The following CTNNA2 variants were observed in gnomAD, a reference collection of about 807,000 sequenced individuals.
The protein encoded by CTNNA2 is catenin alpha-2.
In CTNNA2, 42 loss-of-function variants were observed where a neutral mutation model predicts 101.0. The ratio of observed to expected loss-of-function variants is 0.42; its 90% confidence interval spans 0.32 to 0.54. The LOEUF (loss-of-function observed/expected upper bound fraction) is 0.54, where lower values mean the gene tolerates loss of function less well. Among genes scored for constraint, CTNNA2 ranks in the 20% least tolerant of loss-of-function variants. The pLI is 0.14. For synonymous variants in CTNNA2, 450 were observed against 456.4 expected (o/e 0.99, Z 0.18); for missense variants, 871 against 1,223.1 (o/e 0.71, Z 4.29).
chr2:80,258,670 A>G (rs1672361975), intron 7 of CTNNA2, among the ~76,000 whole-genome samples: 1 of 152,180 alleles, frequency 6.6e-6, no homozygotes, highest in Non-Finnish European at 1.5e-5. Flanking sequence ...GAACTGCTTC[A>G]GTGGAAGTAT....
chr2:79,185,623 G>T (rs1170302129), intron 1 of CTNNA2: 1 of 152,070 alleles, frequency 6.6e-6, no homozygotes, highest in East Asian at 1.9e-4. Context: ...ATCATATCTA[G>T]TCCATGAAAT....
chr2:80,281,748 T>C (rs1336316618), intron 7 of CTNNA2, among the ~76,000 whole-genome samples: 1 of 152,092 alleles, frequency 6.6e-6, no homozygotes, highest in Non-Finnish European at 1.5e-5. Flanking sequence ...AAAATTACTA[T>C]TAATGAAATT....
At chr2:79,367,269 C>T (rs1345202556) in intron 3 of CTNNA2, among the ~76,000 whole-genome samples, 1 of 152,170 alleles carries the variant, frequency 6.6e-6, no homozygotes. Context: ...GACTTTTAGC[C>T]TCCAGAGCTG....
intron 1 of CTNNA2, among the ~76,000 whole-genome samples, chr2:79,571,877 C>T (rs1473574404): frequency 2.0e-5 from 3 of 152,072 alleles, no homozygotes; most frequent in African/African-American, 7.2e-5. Flanking sequence ...ACTATGACCA[C>T]CTTCTTATTT....
chr2:80,606,042 AC>A (rs1403995097), intron 16 of CTNNA2, among the ~76,000 whole-genome samples: 3 of 151,822 alleles, frequency 2.0e-5, no homozygotes, highest in African/African-American at 7.3e-5. Context: ...AAGTATGCAT[AC>A]AAAAAAATTA....
At chr2:79,598,542 C>A (rs543339019) in intron 1 of CTNNA2, among the ~76,000 whole-genome samples, 1 of 152,310 alleles carries the variant, frequency 6.6e-6, no homozygotes, top group Admixed American at 6.5e-5. Flanking sequence ...CTTTAATTTG[C>A]AATTCCCTGA....
chr2:80,405,204 T>G (rs900482998), intron 8 of CTNNA2, among the ~76,000 whole-genome samples: 1 of 152,204 alleles, frequency 6.6e-6, no homozygotes, highest in African/African-American at 2.4e-5. Context: ...AGTTTTTTAG[T>G]GTCCATTCTT....
At chr2:80,547,416 A>AT (rs1692172027) in intron 11 of CTNNA2, among the ~76,000 whole-genome samples, 2 of 152,146 alleles carry the variant, frequency 1.3e-5, no homozygotes, top group African/African-American at 4.8e-5. Flanking sequence ...CAGAGATGGT[A>AT]TTAAAATCCA....
At chr2:80,299,178 A>G (rs896899037) in intron 7 of CTNNA2, 1 of 152,114 alleles carries the variant, frequency 6.6e-6, no homozygotes, top group Non-Finnish European at 1.5e-5. Flanking sequence ...CCTCTGTGGG[A>G]AGAATAAAAA....
intron 1 of CTNNA2, among the ~76,000 whole-genome samples, chr2:79,559,768 T>C (rs1410564210): frequency 2.6e-5 from 4 of 151,750 alleles, no homozygotes; most frequent in African/African-American, 9.7e-5. Context: ...AGATAAAGAC[T>C]TCAAAGTTAA....
At chr2:80,559,516 G>A (rs1224304999) in intron 12 of CTNNA2, among the ~76,000 whole-genome samples, 3 of 152,188 alleles carry the variant, frequency 2.0e-5, no homozygotes, top group Non-Finnish European at 4.4e-5. Flanking sequence ...AGTAAAGACA[G>A]TGCTTTGCTT....
At chr2:79,464,360 C>T (rs1042164376) in intron 4 of CTNNA2, among the ~76,000 whole-genome samples, 2 of 152,190 alleles carry the variant, frequency 1.3e-5, no homozygotes, top group Admixed American at 6.5e-5. Context: ...ATATATGCCA[C>T]ATTTTCTTAA....
At chr2:79,953,570 A>G (rs796888936) in intron 7 of CTNNA2, among the ~76,000 whole-genome samples, 12 of 152,310 alleles carry the variant, frequency 7.9e-5, no homozygotes, top group African/African-American at 2.9e-4. Flanking sequence ...GCACTTTTCT[A>G]AGTCCACTGG....
rs1265474362 is a variant in CTNNA2, at chr2:80,545,986, A to G, written c.1463A>G (p.Gln488Arg). The G allele has an allele frequency of 6.2e-7, 1 of 1,614,136 alleles. No homozygotes were observed. The highest frequency in any genetic ancestry group is 8.5e-7 in the Non-Finnish European group (1 of 1,180,004). ...AQDNMDVFKD[Q>R]WEKQVRVLTE... ...GATAACATGGACGTCTTCAAAGACC[A>G]GTGGGAGAAGCAGGTCCGAGTGTTG... The change falls in exon 11 of 19, where the codon CAG becomes CGG. Residue 488 changes from glutamine (Q) to arginine (R), a missense_variant. Physicochemically the swap from Gln to Arg is conservative, Grantham distance 43. This residue lies in a region of CTNNA2 where 647 missense variants were observed against 831.5 expected (regional missense o/e 0.78). Transcript: ENST00000402739.
chr2:79,489,065 G>A (rs189055134), intron 4 of CTNNA2, among the ~76,000 whole-genome samples: 166 of 151,960 alleles, frequency 1.1e-3, no homozygotes, highest in African/African-American at 2.7e-4. Flanking sequence ...TGGCACTTTC[G>A]GCTCTCTTTG....
chr2:79,915,880 G>T (rs1007016060), intron 7 of CTNNA2, among the ~76,000 whole-genome samples: 1 of 152,154 alleles, frequency 6.6e-6, no homozygotes, highest in Non-Finnish European at 1.5e-5. Context: ...ATTTGGGTTT[G>T]ATCTAAAATC....
chr2:79,318,951 C>A (rs985783518), intron 3 of CTNNA2, among the ~76,000 whole-genome samples: 1 of 152,204 alleles, frequency 6.6e-6, no homozygotes, highest in East Asian at 1.9e-4. Flanking sequence ...CAACTGACTA[C>A]TACTGAAATA....
intron 7 of CTNNA2, among the ~76,000 whole-genome samples, chr2:79,966,901 A>G (rs1690105065): frequency 6.6e-6 from 1 of 151,326 alleles, no homozygotes; most frequent in Non-Finnish European, 1.5e-5. Context: ...CATACCAGGC[A>G]TTTTTTCCAG....
intron 1 of CTNNA2, among the ~76,000 whole-genome samples, chr2:79,578,480 ACTATT>A (rs2103879669): frequency 6.6e-6 from 1 of 152,296 alleles, no homozygotes; most frequent in East Asian, 1.9e-4. Flanking sequence ...AAGAAAGGAA[ACTATT>A]CTATATTCTC....
Sources: allele counts gnomAD v4.1 joint callset (sites outside exome capture counted in the v4.1 genomes callset), GRCh38; gene constraint gnomAD v4.1.1; regional missense constraint gnomAD v4.1.1; transcripts MANE v1.5; gene names NCBI Gene and HGNC (gene_info 2026-07-23, HGNC 2026-07-21).